Variants in ALMS1 observed in about 807,000 individuals in gnomAD.
ALMS1 encodes centrosome-associated protein ALMS1.
ALMS1 carries 271 observed loss-of-function variants against 352.2 expected under a neutral mutation model. The observed-to-expected ratio is 0.77, with a 90% CI of 0.70 to 0.85. The LOEUF is 0.85. Among genes scored for constraint, ALMS1 ranks in the 40% least tolerant of loss-of-function variants. The pLI, the probability that ALMS1 is intolerant of heterozygous loss-of-function variation, is 0.00. For synonymous variants in ALMS1, 1,865 were observed against 1,761.2 expected (o/e 1.06, Z -1.48); for missense variants, 5,445 against 4,870.7 (o/e 1.12, Z -3.51).
intron 9 of ALMS1, among the ~76,000 whole-genome samples, chr2:73,485,271 A>G (rs919176475): frequency 1.3e-5 from 2 of 151,818 alleles, no homozygotes; most frequent in East Asian, 1.9e-4. Flanking sequence ...TGTCCTTTCT[A>G]TTTGTTAATT....
intron 19 of ALMS1, among the ~76,000 whole-genome samples, chr2:73,601,803 C>T (rs1335498049): frequency 1.3e-5 from 2 of 152,144 alleles, no homozygotes; most frequent in African/African-American, 4.8e-5. Flanking sequence ...TGCTCCATGT[C>T]GGATTTAAAG....
chr2:73,547,136 A>G (rs1674339248), intron 12 of ALMS1, among the ~76,000 whole-genome samples: 1 of 152,180 alleles, frequency 6.6e-6, no homozygotes, highest in Non-Finnish European at 1.5e-5. Flanking sequence ...GATTCTGCCC[A>G]CCTGTAGGCT....
intron 11 of ALMS1, among the ~76,000 whole-genome samples, chr2:73,524,421 C>G (rs1673746351): frequency 6.6e-6 from 1 of 152,076 alleles, no homozygotes; most frequent in African/African-American, 2.4e-5. Flanking sequence ...TTTGTGTTAA[C>G]AATCCAGTTA....
At chr2:73,485,830 C>G (rs1316377381) in intron 9 of ALMS1, among the ~76,000 whole-genome samples, 1 of 152,072 alleles carries the variant, frequency 6.6e-6, no homozygotes, top group Non-Finnish European at 1.5e-5. Flanking sequence ...GGGAGTGACC[C>G]GATTTTCCAG....
At chr2:73,480,167 C>A (rs980799012) in intron 9 of ALMS1, among the ~76,000 whole-genome samples, 3 of 151,832 alleles carry the variant, frequency 2.0e-5, no homozygotes, top group Non-Finnish European at 4.4e-5. Flanking sequence ...TGCTGGTGTG[C>A]TGCACCCACT....
intron 19 of ALMS1, among the ~76,000 whole-genome samples, chr2:73,601,817 A>G (rs1307489890): frequency 6.6e-6 from 1 of 152,178 alleles, no homozygotes; most frequent in African/African-American, 2.4e-5. Context: ...TTTAAAGGAA[A>G]CCAGGTCTCT....
intron 10 of ALMS1, among the ~76,000 whole-genome samples, chr2:73,492,034 G>A (rs961097372): frequency 1.1e-4 from 16 of 152,156 alleles, no homozygotes; most frequent in Non-Finnish European, 2.2e-4. Flanking sequence ...TAAAACATCT[G>A]TCAACATAAT....
chr2:73,553,656 A>G (rs1350026231), intron 13 of ALMS1, among the ~76,000 whole-genome samples: 1 of 152,206 alleles, frequency 6.6e-6, no homozygotes, highest in African/African-American at 2.4e-5. Context: ...TATATAAACA[A>G]TCATATGTAA....
At chr2:73,493,399 TAA>T (rs1225728186) in intron 10 of ALMS1, among the ~76,000 whole-genome samples, 12 of 150,482 alleles carry the variant, frequency 8.0e-5, no homozygotes, top group African/African-American at 2.7e-4. Context: ...CATATATATA[TAA>T]GTAAATATAT....
chr2:73,436,235 A>T (rs1671601770), intron 7 of ALMS1, among the ~76,000 whole-genome samples: 1 of 152,134 alleles, frequency 6.6e-6, no homozygotes, highest in South Asian at 2.1e-4. Context: ...ATAGTTTTGG[A>T]TGAGAAGTCA....
At chr2:73,467,814 G>C (rs1320651398) in intron 9 of ALMS1, among the ~76,000 whole-genome samples, 1 of 151,966 alleles carries the variant, frequency 6.6e-6, no homozygotes, top group Non-Finnish European at 1.5e-5. Context: ...ACACGTTATG[G>C]TTAGCAAAAA....
Position 73,449,530 on chromosome 2 carries a change from T to G in ALMS1, c.3003T>G (p.Gly1001=). 1.2e-6 allele frequency: 2 copies of G among 1,614,050 alleles called. No individual in the cohort carries two copies. The highest frequency in any genetic ancestry group is 1.7e-6 in the Non-Finnish European group (2 of 1,179,968). ...KTVPTPTVPS[G]SFSHREKPSI... is the part of the protein sequence containing the mutation. ...TCCCAACACCAACAGTACCTTCAGG[T>G]TCCTTCTCACATAGAGAGAAGCCCA... Residue 1001 remains glycine (G), a synonymous_variant, in exon 8 of 23, where the codon GGT becomes GGG. Coordinates refer to ENST00000613296, the MANE Select transcript of ALMS1 (RefSeq NM_001378454.1).
rs1433071600 is a variant in ALMS1 at position 73,448,722 on chromosome 2, A to G, written c.2195A>G (p.Asp732Gly). Residue 732 changes from aspartate to glycine, a missense_variant, in exon 8 of 23, where the codon GAC becomes GGC. Transcript: ENST00000613296. The part of the protein sequence containing the change: ...PGIFYQQEFA[D>G]SHQTEETLTK... Reference sequence around the variant, plus strand: ...ATTTTTTACCAACAAGAGTTCGCAGACAGTCATCAAACTGAAGAGACTCTT... The same window carrying G: ...ATTTTTTACCAACAAGAGTTCGCAGGCAGTCATCAAACTGAAGAGACTCTT... The G allele has an allele frequency of 1.9e-6, 3 of 1,605,386 alleles. No individual in the cohort carries two copies. The highest frequency in any genetic ancestry group is 2.2e-5 in the East Asian group (1 of 44,506).
intron 9 of ALMS1, among the ~76,000 whole-genome samples, chr2:73,462,491 A>G (rs547150806): frequency 5.9e-5 from 9 of 152,336 alleles, no homozygotes; most frequent in Admixed American, 3.9e-4. Context: ...GGTACCAGCC[A>G]CTGCAAAAAC....
chr2:73,441,868 T>A (rs1671726241), intron 7 of ALMS1, among the ~76,000 whole-genome samples: 1 of 152,104 alleles, frequency 6.6e-6, no homozygotes, highest in Admixed American at 6.6e-5. Flanking sequence ...ACTGGAGTTT[T>A]GAAAACTTGA....
chr2:73,533,248 G>A (rs183222533), intron 11 of ALMS1, among the ~76,000 whole-genome samples: 4 of 152,310 alleles, frequency 2.6e-5, no homozygotes, highest in Admixed American at 6.5e-5. Context: ...GGTTGCATAC[G>A]CCCAAGTCAG....
At chr2:73,547,726 A>G (rs1674351070) in intron 12 of ALMS1, among the ~76,000 whole-genome samples, 1 of 152,168 alleles carries the variant, frequency 6.6e-6, no homozygotes, top group Admixed American at 6.5e-5. Flanking sequence ...TTATACTTGT[A>G]AAGTTTATTC....
chr2:73,547,296 CTG>C (rs1299881109), intron 12 of ALMS1, among the ~76,000 whole-genome samples: 1 of 152,128 alleles, frequency 6.6e-6, no homozygotes, highest in Non-Finnish European at 1.5e-5. Flanking sequence ...GGTGGATCAT[CTG>C]TAATACCAAA....
At chr2:73,485,053 C>G (rs1368243644) in intron 9 of ALMS1, among the ~76,000 whole-genome samples, 3 of 152,200 alleles carry the variant, frequency 2.0e-5, no homozygotes, top group African/African-American at 7.2e-5. Context: ...ATTTGATCGT[C>G]TGAAGCCTTC....
Sources: gnomAD v4.1 joint callset for allele counts (sites outside exome capture counted in the v4.1 genomes callset) on GRCh38, gnomAD v4.1.1 for gene constraint, MANE v1.5 for transcripts, NCBI Gene and HGNC (gene_info 2026-07-23, HGNC 2026-07-21) for gene names.